AEBP1: variants seen among roughly 807,000 people sequenced by gnomAD.
AEBP1 encodes the protein adipocyte enhancer-binding protein 1.
AEBP1 carries 69 observed loss-of-function variants against 116.5 expected under a neutral mutation model. The ratio of observed to expected loss-of-function variants is 0.59; its 90% CI spans 0.49 to 0.72. AEBP1 has a LOEUF of 0.72. AEBP1 is among the 30% of genes least tolerant of loss of function. The pLI, the probability that AEBP1 is intolerant of heterozygous loss-of-function variation, is 0.00. For missense variants in AEBP1, 1,444 were observed against 1,557.5 expected (o/e 0.93, Z 1.23); for synonymous variants, 627 against 627.3 (o/e 1.00, Z 0.01).
chr7:44,112,456 T>A lies in AEBP1; in HGVS notation c.2218-102T>A, dbSNP rs971532533. On this transcript the variant is annotated intron_variant, in intron 17 of 20. Coordinates refer to ENST00000223357, the MANE Select transcript of AEBP1 (RefSeq NM_001129.5). This position sits in a 1 kb window ranked among gnomAD's most constrained non-coding sequence, Gnocchi z 6.6. Reference sequence around the variant, plus strand: ...GCTCTGGGGGTTGGGGGACAGGGGATCGTGCGAGTACTGGTGTGAAGCTTC... The same window carrying A: ...GCTCTGGGGGTTGGGGGACAGGGGAACGTGCGAGTACTGGTGTGAAGCTTC... The A allele has an allele frequency of 6.0e-5, 83 of 1,384,766 alleles. No homozygotes were observed. The highest frequency in any genetic ancestry group is 4.7e-4 in the African/African-American group (32 of 68,592). 85.8% of individuals were successfully genotyped at this position (1,384,766 alleles called of 1,614,324 possible).
Position 44,106,597 on chromosome 7 carries a change from G to T in AEBP1, c.305G>T (p.Gly102Val). The T allele has an allele frequency of 6.2e-7, 1 of 1,611,054 alleles. No individual in the cohort carries two copies. The highest frequency in any genetic ancestry group is 1.1e-5 in the South Asian group (1 of 90,642). ...DKGKKGKKDK[G>V]PKVPKESLEG... is the part of the protein sequence containing the mutation. ...GGGAAGAAAGGCAAGAAAGACAAAGGCCCCAAGGTGCCCAAGGAGTCCTTG... is the reference window on the plus strand; with the variant it reads ...GGGAAGAAAGGCAAGAAAGACAAAGTCCCCAAGGTGCCCAAGGAGTCCTTG... Residue 102 changes from glycine (G) to valine (V), a missense_variant, in exon 2 of 21, where the codon GGC becomes GTC. Transcript: ENST00000223357.
rs2096231576 is a variant in AEBP1 at position 44,112,967 on chromosome 7, G to C, written c.2570-24G>C. On this transcript the variant is annotated intron_variant, in intron 18 of 20. Coordinates refer to ENST00000223357, the MANE Select transcript of AEBP1 (RefSeq NM_001129.5). This position sits in a 1 kb window ranked among gnomAD's most constrained non-coding sequence, Gnocchi z 6.6. ...CCTGGTCCGGAGAGGGGCTGACTTTGGGTCTGTATCTGTCCCCGGCCAGCT... is the reference window on the plus strand; with the variant it reads ...CCTGGTCCGGAGAGGGGCTGACTTTCGGTCTGTATCTGTCCCCGGCCAGCT... The C allele has an allele frequency of 6.2e-7, 1 of 1,613,792 alleles. No homozygotes were observed. The highest frequency in any genetic ancestry group is 8.5e-7 in the Non-Finnish European group (1 of 1,179,908).
Position 44,112,132 on chromosome 7 carries a change from C to T in AEBP1, c.2038-10C>T, listed in dbSNP as rs1457946911. ...GGGTAGCCGATGCCTACCCTGCTGG[C>T]TCCCCACAGGGCTCAGAGTTTGGGA... On this transcript the variant is annotated splice_polypyrimidine_tract_variant and intron_variant, in intron 16 of 20. Transcript: ENST00000223357. This position sits in a 1 kb window ranked among gnomAD's most constrained non-coding sequence, Gnocchi z 6.6. The T allele has an allele frequency of 8.1e-6, 13 of 1,596,382 alleles. No individual in the cohort carries two copies. The highest frequency in any genetic ancestry group is 1.1e-5 in the Non-Finnish European group (13 of 1,167,278).
rs938847407 is a variant in AEBP1 at position 44,111,383 on chromosome 7, C to T, written c.1717-124C>T. On this transcript the variant is annotated intron_variant, in intron 14 of 20. Transcript: ENST00000223357. The surrounding 1 kb of genome is among the most constrained non-coding windows in gnomAD (Gnocchi z 4.7). ...CTCACCTTAGGAAGGAGGCCAGTAC[C>T]TGGGGGCTGCGTGAAGGGGTCATGC... 3.5e-6 allele frequency: 5 copies of T among 1,428,504 alleles called. No individual in the cohort carries two copies. The highest frequency in any genetic ancestry group is 4.6e-6 in the Non-Finnish European group (5 of 1,078,712). 88.5% of individuals were successfully genotyped at this position (1,428,504 alleles called of 1,614,324 possible). A position where few individuals can be genotyped will look rare whatever the true frequency, so the allele number is the denominator to read the frequency against.
At chr7:44,109,037 T>G in intron 7 of AEBP1, 61 bp downstream of exon 7, 1 of 1,609,524 alleles carries the variant, frequency 6.2e-7, no homozygotes, top group Non-Finnish European at 8.5e-7. Flanking sequence ...GGGGCCTGCC[T>G]GATCCACCCC....
chr7:44,105,252 G>T (rs1299510175), intron 1 of AEBP1, among the ~76,000 whole-genome samples: 1 of 152,214 alleles, frequency 6.6e-6, no homozygotes, highest in Non-Finnish European at 1.5e-5. Context: ...GTCACCCCCT[G>T]CCATACTAAT....
At position 44,107,476 on chromosome 7, in the gene AEBP1, G is replaced by C; in HGVS notation, c.633G>C (p.Glu211Asp). 6.2e-7 allele frequency: 1 copy of C among 1,613,478 alleles called. No individual in the cohort carries two copies. Among genetic ancestry groups the C allele is most frequent in the South Asian group, 1.1e-5 (1 of 91,082 alleles). ...CAAATAACTGGCAGAATCCAGGAGA[G>C]GAGACCCATGTGGAGGCACGGGAGC... ...PLSNNWQNPG[E>D]ETHVEAREHQ... is the part of the protein sequence containing the mutation. Residue 211 changes from glutamate (E) to aspartate (D), a missense_variant, in exon 3 of 21, where the codon GAG becomes GAC. By Grantham distance (45) the Glu-to-Asp change is conservative. Coordinates refer to ENST00000223357, the MANE Select transcript of AEBP1 (RefSeq NM_001129.5). This position sits in a 1 kb window ranked among gnomAD's most constrained non-coding sequence, Gnocchi z 4.3.
Position 44,113,154 on chromosome 7 carries a change from G to T in AEBP1, c.2709+24G>T. Reference sequence around the variant, plus strand: ...AGGTGGGGTGGCTAGGGCAATGCCTGGGGAGAGGAGGCTGCACAGGCTCCT... The same window carrying T: ...AGGTGGGGTGGCTAGGGCAATGCCTTGGGAGAGGAGGCTGCACAGGCTCCT... On this transcript the variant is annotated intron_variant, in intron 19 of 20. Coordinates refer to ENST00000223357, the MANE Select transcript of AEBP1 (RefSeq NM_001129.5). This position sits in a 1 kb window ranked among gnomAD's most constrained non-coding sequence, Gnocchi z 5.3. 6.2e-7 allele frequency: 1 copy of T among 1,613,596 alleles called. No homozygotes were observed. The highest frequency in any genetic ancestry group is 8.5e-7 in the Non-Finnish European group (1 of 1,179,784).
rs2096233154 is a variant in AEBP1 at position 44,113,833 on chromosome 7, C to T, written c.3049C>T (p.Arg1017Cys). The T allele has an allele frequency of 1.2e-6, 2 of 1,613,916 alleles. No individual in the cohort carries two copies. The highest frequency in any genetic ancestry group is 1.7e-6 in the Non-Finnish European group (2 of 1,179,982). Reference protein sequence around the residue: ...PSRPMTPQQRRLQQRRLQHRL... With the variant: ...PSRPMTPQQRCLQQRRLQHRL... ...GCGCCCTATGACCCCCCAACAGCGACGCCTGCAGCAGCGACGCCTACAACA... is the reference window on the plus strand; with the variant it reads ...GCGCCCTATGACCCCCCAACAGCGATGCCTGCAGCAGCGACGCCTACAACA... The change falls in exon 21 of 21, where the codon CGC (arginine) becomes TGC (cysteine). Residue 1017 changes from arginine (R) to cysteine (C), a missense_variant. Coordinates refer to ENST00000223357, the MANE Select transcript of AEBP1 (RefSeq NM_001129.5). This position sits in a 1 kb window ranked among gnomAD's most constrained non-coding sequence, Gnocchi z 5.3.
At position 44,104,736 on chromosome 7, in the gene AEBP1, G is replaced by T; in HGVS notation, c.71G>T (p.Arg24Leu). Residue 24 changes from arginine to leucine, a missense_variant, in exon 1 of 21, where the codon CGC becomes CTC. Transcript: ENST00000223357. Reference sequence around the variant, plus strand: ...TTGCTGGCCCTGTGCCCTGGAGGGCGCCCGCAGACGGTGCTGACCGACGAC... The same window carrying T: ...TTGCTGGCCCTGTGCCCTGGAGGGCTCCCGCAGACGGTGCTGACCGACGAC... ...LALLALCPGG[R>L]PQTVLTDDEI... 1 of 1,611,098 alleles carries T rather than the reference G, an allele frequency of 6.2e-7. No individual in the cohort carries two copies. Among genetic ancestry groups the T allele is most frequent in the South Asian group, 1.1e-5 (1 of 90,936 alleles).
chr7:44,113,004 C>T lies in AEBP1; in HGVS notation c.2583C>T (p.Phe861=). ...WNPRTGTIND[F]SYLHTNCLEL... is the part of the protein sequence containing the mutation. ...GTCCCCGGCCAGCTATCAATGACTT[C>T]AGTTACCTGCATACCAACTGCCTGG... Residue 861 remains phenylalanine, a synonymous_variant, in exon 19 of 21, where the codon TTC becomes TTT. Coordinates refer to ENST00000223357, the MANE Select transcript of AEBP1 (RefSeq NM_001129.5). This position sits in a 1 kb window ranked among gnomAD's most constrained non-coding sequence, Gnocchi z 5.3. The T allele has an allele frequency of 6.2e-7, 1 of 1,614,076 alleles. No homozygotes were observed. Among genetic ancestry groups the T allele is most frequent in the Non-Finnish European group, 8.5e-7 (1 of 1,180,006 alleles).
At position 44,109,180 on chromosome 7, in the gene AEBP1, C is replaced by T. The variant is rs764105197; in HGVS notation, c.1092C>T (p.His364=). The T allele has an allele frequency of 2.5e-6, 4 of 1,613,650 alleles. No individual in the cohort carries two copies. Among genetic ancestry groups the T allele is most frequent in the Non-Finnish European group, 3.4e-6 (4 of 1,180,010 alleles). Residue 364 remains histidine, a synonymous_variant, in exon 8 of 21, where the codon CAC becomes CAT. Transcript: ENST00000223357. ...DKWAVEKGKD[H]KEPRKGEELE... is the part of the protein sequence containing the mutation. ...GGGCAGTGGAGAAGGGCAAGGACCA[C>T]AAAGGTGTGTGGCTGGGGCTTGGGG...
chr7:44,108,686 G>A lies in AEBP1; in HGVS notation c.941-213G>A, dbSNP rs918184912. 6.6e-6 allele frequency among the ~76,000 whole-genome samples: 1 copy of A among 152,176 alleles called. No individual in the cohort carries two copies. Among genetic ancestry groups the A allele is most frequent in the African/African-American group, 2.4e-5 (1 of 41,436 alleles). On this transcript the variant is annotated intron_variant, in intron 6 of 20. Coordinates refer to ENST00000223357, the MANE Select transcript of AEBP1 (RefSeq NM_001129.5). This position sits in a 1 kb window ranked among gnomAD's most constrained non-coding sequence, Gnocchi z 5.0. ...TCCCCAGGCCAGATGCTCCTGGAAG[G>A]CCGGGCTGGTGACTTCAGCAGGGTC...
In AEBP1 at chr7:44,112,023, T is replaced by G. The variant is rs373373055; in HGVS notation, c.2010T>G (p.Pro670=). The G allele has an allele frequency of 2.5e-6, 4 of 1,613,684 alleles. No individual in the cohort carries two copies. The highest frequency in any genetic ancestry group is 4.5e-5 in the East Asian group (2 of 44,882). Residue 670 remains proline, a synonymous_variant, in exon 16 of 21, where the codon CCT becomes CCG. Coordinates refer to ENST00000223357, the MANE Select transcript of AEBP1 (RefSeq NM_001129.5). This position sits in a 1 kb window ranked among gnomAD's most constrained non-coding sequence, Gnocchi z 6.6. ...TRIHLVPSLN[P]DGYEVAAQMG... ...TCCACCTGGTGCCCTCACTGAACCC[T>G]GATGGCTACGAGGTGGCAGCGCAGA...
rs534996461 is a variant in AEBP1, at chr7:44,113,890, C to T, written c.3106C>T (p.Arg1036Trp). The T allele has an allele frequency of 5.0e-6, 8 of 1,613,168 alleles. No individual in the cohort carries two copies. In the Admixed American group the frequency reaches 5.0e-5, roughly 10 times the overall value. The change falls in exon 21 of 21, where the codon CGG becomes TGG. Residue 1036 changes from arginine (R) to tryptophan (W), a missense_variant. By Grantham distance (101) the Arg-to-Trp change is moderately radical. Coordinates refer to ENST00000223357, the MANE Select transcript of AEBP1 (RefSeq NM_001129.5). The surrounding 1 kb of genome is among the most constrained non-coding windows in gnomAD (Gnocchi z 5.3). Reference sequence around the variant, plus strand: ...GCGGCTTCGGGCACAGATGCGGCTGCGGCGCCTCAACGCCACCACCACCCT... The same window carrying T: ...GCGGCTTCGGGCACAGATGCGGCTGTGGCGCCTCAACGCCACCACCACCCT... ...RLRLRAQMRL[R>W]RLNATTTLGP...
Position 44,113,625 on chromosome 7 carries a change from C to T in AEBP1, c.2841C>T (p.Asn947=). The T allele has an allele frequency of 6.2e-7, 1 of 1,613,084 alleles. No homozygotes were observed. Among genetic ancestry groups the T allele is most frequent in the East Asian group, 2.2e-5 (1 of 44,862 alleles). The part of the protein sequence containing the change: ...ASGGDYWRIL[N]PGEYRVTAHA... ...GTGGTGATTACTGGCGAATCTTGAA[C>T]CCGGGTGAGTACCGCGTGACAGCCC... The change falls in exon 21 of 21, where the codon AAC becomes AAT. Residue 947 remains asparagine, a synonymous_variant. Transcript: ENST00000223357. The surrounding 1 kb of genome is among the most constrained non-coding windows in gnomAD (Gnocchi z 5.3).
At position 44,114,190 on chromosome 7, in the gene AEBP1, G is replaced by A. The variant is rs756589094; in HGVS notation, c.3406G>A (p.Glu1136Lys). Reference protein sequence around the residue: ...EEEEEEEKEEEIATGQAFPFT... With the variant: ...EEEEEEEKEEKIATGQAFPFT... ...AGAGGAGGAGGAGGAGAAAGAGGAGGAGATAGCCACTGGCCAGGCATTCCC... is the reference window on the plus strand; with the variant it reads ...AGAGGAGGAGGAGGAGAAAGAGGAGAAGATAGCCACTGGCCAGGCATTCCC... Residue 1136 changes from glutamate to lysine, a missense_variant, in exon 21 of 21, where the codon GAG becomes AAG. Physicochemically the swap from Glu to Lys is moderately conservative, Grantham distance 56. Coordinates refer to ENST00000223357, the MANE Select transcript of AEBP1 (RefSeq NM_001129.5). 80 of 1,614,098 alleles carry A rather than the reference G, an allele frequency of 5.0e-5. 1 individual carries two copies. Among genetic ancestry groups the A allele is most frequent in the Middle Eastern group, 1.6e-4 (1 of 6,062 alleles).
chr7:44,104,623 A>AC lies in AEBP1; in HGVS notation c.-37dup. On this transcript the variant is annotated 5_prime_UTR_variant, in exon 1 of 21. Transcript: ENST00000223357. ...CTTTCCCAGAGACCCAGAGCCCCTG[A>AC]CCCCCCGCGCCCTCCCCGGAGCCCC... 7 of 1,354,882 alleles carry AC rather than the reference A, an allele frequency of 5.2e-6. No homozygotes were observed. In the South Asian group the frequency reaches 6.7e-5, roughly 13 times the overall value. The allele number at this position is 1,354,882 out of a possible 1,614,324, so 83.9% of individuals were successfully genotyped here. A position where few individuals can be genotyped will look rare whatever the true frequency, so the allele number is the denominator to read the frequency against.
intron 1 of AEBP1, chr7:44,106,290 C>G (rs1464176467): frequency 3.1e-6 from 2 of 654,702 alleles, no homozygotes; most frequent in Non-Finnish European, 5.6e-6. Context: ...GAGGGCCTCC[C>G]CCTGGGAACT....
Sources: gnomAD v4.1 joint callset for allele counts (sites outside exome capture counted in the v4.1 genomes callset) on GRCh38, gnomAD v4.1.1 for gene constraint, Gnocchi (gnomAD v3.1) non-coding constraint, MANE v1.5 for transcripts, NCBI Gene and HGNC (gene_info 2026-07-23, HGNC 2026-07-21) for gene names.